The following DAB1 variants were observed in gnomAD, a reference collection of about 807,000 sequenced individuals.
DAB1 encodes DAB adaptor protein 1.
A neutral mutation model predicts 64.6 loss-of-function variants in DAB1; 15 were observed. The ratio of observed to expected loss-of-function variants is 0.23; its 90% CI spans 0.16 to 0.36. The LOEUF (loss-of-function observed/expected upper bound fraction) is 0.36, where lower values mean the gene tolerates loss of function less well. Among genes scored for constraint, DAB1 ranks in the 10% least tolerant of loss-of-function variants. The pLI is 1.00. For synonymous variants in DAB1, 235 were observed against 251.9 expected, an observed-to-expected ratio of 0.93 and a Z score of 0.64; for missense variants, 596 against 706.7, an observed-to-expected ratio of 0.84 and a Z score of 1.78.
chr1:58,240,931 T>C lies in DAB1; in HGVS notation n.310-90343A>G, dbSNP rs1260887293. Among the ~76,000 whole-genome samples, 4 of 152,128 alleles carry C rather than the reference T, an allele frequency of 2.6e-5. No individual in the cohort carries two copies. The East Asian group carries it at 5.8e-4, about 22-fold the overall frequency. On this transcript the variant is annotated intron_variant and non_coding_transcript_variant, in intron 4 of 20. Coordinates refer to the DAB1 transcript ENST00000485760. ...GGACAGTTTTTAAAGGCAGATAAACTGATATTACCAAGACATGATAACACA... is the reference window on the plus strand; with the variant it reads ...GGACAGTTTTTAAAGGCAGATAAACCGATATTACCAAGACATGATAACACA...
intron 7 of DAB1, among the ~76,000 whole-genome samples, chr1:57,476,992 C>A (rs1643946587): frequency 6.6e-6 from 1 of 152,212 alleles, no homozygotes; most frequent in South Asian, 2.1e-4. Flanking sequence ...CAGCCCCAAC[C>A]TGATAAGTTT....
chr1:57,962,161 C>T (rs938267500), intron 5 of DAB1, among the ~76,000 whole-genome samples: 1 of 152,082 alleles, frequency 6.6e-6, no homozygotes, highest in Non-Finnish European at 1.5e-5. Context: ...AGTTACTTAA[C>T]CTCACTAGGT....
At chr1:57,771,748 C>T (rs1388739691) in intron 6 of DAB1, among the ~76,000 whole-genome samples, 1 of 151,998 alleles carries the variant, frequency 6.6e-6, no homozygotes, top group Non-Finnish European at 1.5e-5. Context: ...TGACTCTCCC[C>T]ACTCCAACTC....
intron 2 of DAB1, among the ~76,000 whole-genome samples, chr1:57,284,647 T>C (rs1032592654): frequency 1.3e-5 from 2 of 152,276 alleles, no homozygotes; most frequent in Non-Finnish European, 2.9e-5. Flanking sequence ...GAAGCAATGA[T>C]AAATAAGCCT....
rs1455077163 is a variant in DAB1, at chr1:57,441,245, T to C, written n.626-150079A>G. ...TAGTATTTTATGCACAGGTACAATCTTTTCTTTTCTTTTCTTTTCTTTCTT... is the reference window on the plus strand; with the variant it reads ...TAGTATTTTATGCACAGGTACAATCCTTTCTTTTCTTTTCTTTTCTTTCTT... On this transcript the variant is annotated intron_variant and non_coding_transcript_variant, in intron 7 of 20. Transcript: ENST00000485760. Among the ~76,000 whole-genome samples, 5 of 147,108 alleles carry C rather than the reference T, an allele frequency of 3.4e-5. No individual in the cohort carries two copies. The East Asian group carries it at 1.0e-3, about 30-fold the overall frequency.
At chr1:58,047,697 T>C (rs145165609) in intron 5 of DAB1, among the ~76,000 whole-genome samples, 2 of 152,302 alleles carry the variant, frequency 1.3e-5, no homozygotes, top group African/African-American at 4.8e-5. Flanking sequence ...CGCAATTCCA[T>C]ACATGTGAGA....
intron 1 of DAB1, among the ~76,000 whole-genome samples, chr1:57,368,731 C>G (rs888146335): frequency 3.3e-5 from 5 of 152,186 alleles, no homozygotes; most frequent in African/African-American, 1.2e-4. Flanking sequence ...TCACCCTCCA[C>G]TTGTCTGTAT....
chr1:57,048,340 A>T (rs1044288816), intron 9 of DAB1, among the ~76,000 whole-genome samples: 2 of 152,216 alleles, frequency 1.3e-5, no homozygotes, highest in African/African-American at 4.8e-5. Flanking sequence ...AGCTCTTTTC[A>T]TCTTGTTGAC....
intron 2 of DAB1, among the ~76,000 whole-genome samples, chr1:57,238,860 TACACACAC>T (rs1281270538): frequency 6.0e-5 from 8 of 134,030 alleles, no homozygotes; most frequent in East Asian, 2.3e-4. Context: ...CACACACACA[TACACACAC>T]ACACACACAC....
At chr1:58,436,643 T>G (rs1644947979) in intron 3 of DAB1, among the ~76,000 whole-genome samples, 1 of 152,168 alleles carries the variant, frequency 6.6e-6, no homozygotes, top group African/African-American at 2.4e-5. Flanking sequence ...GGGTAAAGGT[T>G]CAGAAGCTCA....
At chr1:58,004,017 C>G (rs575641765) in intron 5 of DAB1, among the ~76,000 whole-genome samples, 1 of 152,326 alleles carries the variant, frequency 6.6e-6, no homozygotes, top group Non-Finnish European at 1.5e-5. Flanking sequence ...CCATCCGGAA[C>G]TCTGCTTTTG....
chr1:57,520,402 G>A (rs1198332583), intron 7 of DAB1, among the ~76,000 whole-genome samples: 3 of 152,050 alleles, frequency 2.0e-5, no homozygotes, highest in Non-Finnish European at 4.4e-5. Flanking sequence ...GGGTTAAGAC[G>A]TTTCTTTTCT....
chr1:57,184,774 C>T (rs1027826599), intron 2 of DAB1, among the ~76,000 whole-genome samples: 5 of 152,140 alleles, frequency 3.3e-5, no homozygotes, highest in Non-Finnish European at 5.9e-5. Flanking sequence ...GAGATACACA[C>T]TCACTCCTGT....
At chr1:57,632,935 T>C (rs1411203066) in intron 7 of DAB1, among the ~76,000 whole-genome samples, 1 of 152,208 alleles carries the variant, frequency 6.6e-6, no homozygotes, top group Non-Finnish European at 1.5e-5. Flanking sequence ...TAAACAGTAG[T>C]TCTTATTATG....
chr1:57,554,312 C>T (rs1644961974), intron 7 of DAB1, among the ~76,000 whole-genome samples: 1 of 152,212 alleles, frequency 6.6e-6, no homozygotes, highest in Non-Finnish European at 1.5e-5. Context: ...CACTTAATAG[C>T]TGTGTAAGCT....
chr1:57,801,048 G>A (rs565285016), intron 6 of DAB1, among the ~76,000 whole-genome samples: 39 of 152,270 alleles, frequency 2.6e-4, no homozygotes, highest in Admixed American at 2.4e-3. Flanking sequence ...TTTTAAAAAG[G>A]ATAAGGAGAT....
intron 1 of DAB1, chr1:57,880,830 C>G (rs952434148): frequency 1.8e-4 from 28 of 152,244 alleles, no homozygotes; most frequent in African/African-American, 6.5e-4. Flanking sequence ...AAATTGAAAT[C>G]CAGTATCAAA....
intron 2 of DAB1, among the ~76,000 whole-genome samples, chr1:57,285,428 C>T (rs1183242795): frequency 6.6e-6 from 1 of 152,074 alleles, no homozygotes; most frequent in African/African-American, 2.4e-5. Flanking sequence ...GCCACCACAC[C>T]CTATTTTTGT....
intron 4 of DAB1, among the ~76,000 whole-genome samples, chr1:58,248,419 CACTGGTGGAGAG>C (rs1660651025): frequency 2.0e-5 from 3 of 152,298 alleles, no homozygotes; most frequent in Admixed American, 2.0e-4. Flanking sequence ...CTTGTCAGGT[CACTGGTGGAGAG>C]ACTGGGGCCC....
Sources: gnomAD v4.1 joint callset for allele counts (sites outside exome capture counted in the v4.1 genomes callset) on GRCh38, gnomAD v4.1.1 for gene constraint, MANE v1.5 for transcripts, NCBI Gene and HGNC (gene_info 2026-07-23, HGNC 2026-07-21) for gene names.